Variants in SYNDIG1 observed in about 807,000 individuals in gnomAD.
SYNDIG1 encodes the protein synapse differentiation-inducing gene protein 1.
Under a neutral mutation model 19.4 loss-of-function variants are expected in SYNDIG1, and 9 were observed. The observed-to-expected ratio is 0.46, with a 90% confidence interval of 0.28 to 0.81. The LOEUF is 0.81. Among genes scored for constraint, SYNDIG1 ranks in the 30% least tolerant of loss-of-function variants. The pLI is 0.12. For synonymous variants in SYNDIG1, 141 were observed against 145.9 expected (o/e 0.97, Z 0.24); for missense variants, 311 against 343.3 (o/e 0.91, Z 0.74).
At chr20:24,552,922 A>G (rs1257716916) in intron 2 of SYNDIG1, among the ~76,000 whole-genome samples, 6 of 152,188 alleles carry the variant, frequency 3.9e-5, no homozygotes, top group Non-Finnish European at 8.8e-5. Flanking sequence ...TTACAGTCCC[A>G]CCAACAGTGT....
intron 3 of SYNDIG1, among the ~76,000 whole-genome samples, chr20:24,656,522 G>A (rs944304082): frequency 6.6e-6 from 1 of 152,214 alleles, no homozygotes; most frequent in Non-Finnish European, 1.5e-5. Flanking sequence ...CTGCTGGGGT[G>A]GACCCAGCTA....
intron 2 of SYNDIG1, among the ~76,000 whole-genome samples, chr20:24,553,331 A>C (rs1457144245): frequency 6.6e-6 from 1 of 151,988 alleles, no homozygotes; most frequent in Non-Finnish European, 1.5e-5. Context: ...CCCATTTGTC[A>C]ATTTTGGATT....
intron 3 of SYNDIG1, among the ~76,000 whole-genome samples, chr20:24,634,981 G>C (rs1018208816): frequency 2.0e-5 from 3 of 152,234 alleles, no homozygotes; most frequent in Non-Finnish European, 2.9e-5. Context: ...GGCATCATCG[G>C]ATCCTGCAGC....
At chr20:24,470,020 G>C (rs575371135) in intron 1 of SYNDIG1, among the ~76,000 whole-genome samples, 16 of 152,194 alleles carry the variant, frequency 1.1e-4, no homozygotes, top group South Asian at 8.3e-4. Context: ...CCCAGGAAGG[G>C]GTCGATGCTG....
At chr20:24,569,101 G>C (rs766590133) in intron 2 of SYNDIG1, among the ~76,000 whole-genome samples, 1 of 152,174 alleles carries the variant, frequency 6.6e-6, no homozygotes, top group Non-Finnish European at 1.5e-5. Flanking sequence ...TTTTGGTGTC[G>C]GAAATACGAA....
At chr20:24,499,059 C>T (rs1237801330) in intron 1 of SYNDIG1, among the ~76,000 whole-genome samples, 6 of 152,190 alleles carry the variant, frequency 3.9e-5, no homozygotes, top group African/African-American at 1.2e-4. Flanking sequence ...GTCTAGCTGT[C>T]GCAAGTGCAG....
At chr20:24,580,823 G>A (rs74352139) in intron 2 of SYNDIG1, among the ~76,000 whole-genome samples, 5,046 of 152,200 alleles carry the variant, frequency 0.033, 244 homozygotes, top group African/African-American at 0.11. Context: ...TAAAATCTGC[G>A]AAGACTGGAG....
At position 24,572,628 on chromosome 20, in the gene SYNDIG1, C is replaced by T. The variant is rs184454651; in HGVS notation, c.481-12228C>T. On this transcript the variant is annotated intron_variant, in intron 2 of 3. Coordinates refer to ENST00000376862, the MANE Select transcript of SYNDIG1 (RefSeq NM_024893.3). The stretch of plus-strand genomic sequence containing the variant: ...CCCTTGGGTGGAGGACAGGGTTGGG[C>T]AGGATATGGGGAGTAGAGATGGCCA... 1.6e-4 allele frequency among the ~76,000 whole-genome samples: 24 copies of T among 152,180 alleles called. 1 individual carries two copies. The East Asian group carries it at 4.5e-3, about 28-fold the overall frequency.
chr20:24,561,696 T>G (rs2057948875), intron 2 of SYNDIG1, among the ~76,000 whole-genome samples: 1 of 152,172 alleles, frequency 6.6e-6, no homozygotes, highest in African/African-American at 2.4e-5. Flanking sequence ...TTTGTCCAGT[T>G]GTTTCCTGGG....
intron 3 of SYNDIG1, among the ~76,000 whole-genome samples, chr20:24,637,122 C>A (rs983412147): frequency 1.3e-5 from 2 of 152,204 alleles, no homozygotes; most frequent in Admixed American, 1.3e-4. Context: ...CAGCAGCCCA[C>A]CCTTCCAGCA....
At chr20:24,587,516 G>A (rs1310598069) in intron 3 of SYNDIG1, among the ~76,000 whole-genome samples, 4 of 152,250 alleles carry the variant, frequency 2.6e-5, no homozygotes, top group Non-Finnish European at 5.9e-5. Flanking sequence ...AGCCCGCACC[G>A]CAGATGCGTG....
At chr20:24,517,805 T>TTATATA (rs113490676) in intron 1 of SYNDIG1, among the ~76,000 whole-genome samples, 9 of 143,178 alleles carry the variant, frequency 6.3e-5, no homozygotes, top group African/African-American at 2.3e-4. Context: ...AAAATATTTT[T>TTATATA]TATATATATA....
chr20:24,475,202 G>T (rs1487818607), intron 1 of SYNDIG1, among the ~76,000 whole-genome samples: 1 of 152,184 alleles, frequency 6.6e-6, no homozygotes, highest in Non-Finnish European at 1.5e-5. Context: ...GATGCTAATG[G>T]GATTAAGTCC....
chr20:24,583,124 G>T (rs1451113487), intron 2 of SYNDIG1, among the ~76,000 whole-genome samples: 1 of 152,206 alleles, frequency 6.6e-6, no homozygotes, highest in Non-Finnish European at 1.5e-5. Flanking sequence ...GCTCTGATTG[G>T]CAGTTTTACT....
At chr20:24,485,957 G>C (rs1004959652) in intron 1 of SYNDIG1, among the ~76,000 whole-genome samples, 1 of 152,190 alleles carries the variant, frequency 6.6e-6, no homozygotes, top group Non-Finnish European at 1.5e-5. Flanking sequence ...GCTTTGTCTC[G>C]TGGCCACCCT....
chr20:24,473,273 T>C (rs538904888), intron 1 of SYNDIG1, among the ~76,000 whole-genome samples: 2 of 152,338 alleles, frequency 1.3e-5, no homozygotes, highest in African/African-American at 4.8e-5. Flanking sequence ...AGTGCACTGA[T>C]AGAAGTTTTT....
At chr20:24,546,172 G>A (rs2057572291) in intron 2 of SYNDIG1, among the ~76,000 whole-genome samples, 2 of 152,188 alleles carry the variant, frequency 1.3e-5, no homozygotes, top group South Asian at 4.1e-4. Flanking sequence ...CATTCTTACA[G>A]TATAGCTATG....
intron 3 of SYNDIG1, among the ~76,000 whole-genome samples, chr20:24,611,688 A>G (rs2058850752): frequency 6.6e-6 from 1 of 151,890 alleles, no homozygotes; most frequent in Non-Finnish European, 1.5e-5. Flanking sequence ...TCTACCCACA[A>G]GCTTCCACTT....
At chr20:24,584,705 A>G in intron 2 of SYNDIG1, 151 bp from the exon 3 acceptor site, 1 of 1,044,744 alleles carries the variant, frequency 9.6e-7, no homozygotes. Flanking sequence ...TACTTGCAGC[A>G]ATAACGATGA....
Sources: allele counts gnomAD v4.1 joint callset (sites outside exome capture counted in the v4.1 genomes callset), GRCh38; gene constraint gnomAD v4.1.1; transcripts MANE v1.5; gene names NCBI Gene and HGNC (gene_info 2026-07-23, HGNC 2026-07-21).